ZNF532: variants seen among roughly 807,000 people sequenced by gnomAD.
ZNF532 encodes the protein zinc finger protein 532.
In ZNF532, 22 loss-of-function variants were observed where a neutral mutation model predicts 89.3. That is an observed-to-expected ratio of 0.25 (90% confidence interval 0.18 to 0.35). The LOEUF (loss-of-function observed/expected upper bound fraction) is 0.35. Ranked by LOEUF, ZNF532 falls within the 10% of genes least tolerant of loss-of-function variation. The pLI, the probability that ZNF532 is intolerant of heterozygous loss-of-function variation, is 1.00. For missense variants in ZNF532, 1,132 were observed against 1,643.4 expected (o/e 0.69, Z 5.38); for synonymous variants, 606 against 649.6 (o/e 0.93, Z 1.02).
intron 7 of ZNF532, among the ~76,000 whole-genome samples, chr18:58,965,884 G>T (rs193081257): frequency 6.6e-6 from 1 of 152,296 alleles, no homozygotes; most frequent in Admixed American, 6.5e-5. Context: ...GCCTCTTCCT[G>T]CAGTGTCTCG....
At chr18:58,953,120 T>A (rs751183984) in intron 6 of ZNF532, 1 of 158,562 alleles carries the variant, frequency 6.3e-6, no homozygotes, top group African/African-American at 2.4e-5. Context: ...TTCCTAATAA[T>A]GTATTAGCCT....
At chr18:58,888,876 T>A (rs28378874) in intron 2 of ZNF532, among the ~76,000 whole-genome samples, 20 of 42,324 alleles carry the variant, frequency 4.7e-4, no homozygotes, top group South Asian at 1.5e-3. Context: ...ATAATATATA[T>A]TATATATATA....
At chr18:58,883,558 G>A (rs893617909) in intron 2 of ZNF532, among the ~76,000 whole-genome samples, 9 of 152,298 alleles carry the variant, frequency 5.9e-5, no homozygotes, top group African/African-American at 1.9e-4. Context: ...ACCTAAGCAA[G>A]CAGGTTTATT....
rs2056364345 is a variant in ZNF532, at chr18:58,865,404, G to A, written c.-128+19G>A. The A allele has an allele frequency of 6.6e-6, 1 of 152,542 alleles. No individual in the cohort carries two copies. The highest frequency in any genetic ancestry group is 2.1e-4 in the South Asian group (1 of 4,812). 9.4% of individuals were successfully genotyped at this position (152,542 alleles called of 1,614,324 possible). A position where few individuals can be genotyped will look rare whatever the true frequency, so the allele number is the denominator to read the frequency against. On this transcript the variant is annotated intron_variant, in intron 1 of 9. Coordinates refer to ENST00000591808, the MANE Select transcript of ZNF532 (RefSeq NM_001375912.1). ...CCAAAAGGTAACAATATCGTTCTAG[G>A]AAATGAACATAAATGCATTCCAGTG...
chr18:58,918,823 T>C lies in ZNF532; in HGVS notation c.536T>C (p.Leu179Pro). Residue 179 changes from leucine to proline, a missense_variant, in exon 3 of 10, where the codon CTC (leucine) becomes CCC (proline). This residue lies in a region of ZNF532 where 302 missense variants were observed against 319.8 expected (regional missense o/e 0.94). Coordinates refer to ENST00000591808, the MANE Select transcript of ZNF532 (RefSeq NM_001375912.1). The stretch of plus-strand genomic sequence containing the variant: ...CAGGACTACGATAAGCTGAAGGCAC[T>C]CGGAGGGGAAAACTCCAGCAAAACT... ...PQQDYDKLKA[L>P]GGENSSKTGL... is the part of the protein sequence containing the mutation. 3 of 1,614,096 alleles carry C rather than the reference T, an allele frequency of 1.9e-6. No individual in the cohort carries two copies. Among genetic ancestry groups the C allele is most frequent in the Non-Finnish European group, 2.5e-6 (3 of 1,180,028 alleles).
chr18:58,868,421 C>T (rs1323971512), intron 2 of ZNF532, among the ~76,000 whole-genome samples: 6 of 152,194 alleles, frequency 3.9e-5, no homozygotes, highest in Admixed American at 2.0e-4. Context: ...TCCACCACCA[C>T]GGGCGAAGCA....
At position 58,985,427 on chromosome 18, in the gene ZNF532, C is replaced by T. The variant is rs1732848698; in HGVS notation, c.*961C>T. 6.6e-6 allele frequency: 1 copy of T among 152,596 alleles called. No individual in the cohort carries two copies. The highest frequency in any genetic ancestry group is 2.1e-4 in the South Asian group (1 of 4,828). 9.5% of individuals were successfully genotyped at this position (152,596 alleles called of 1,614,324 possible). A position where few individuals can be genotyped will look rare whatever the true frequency, so the allele number is the denominator to read the frequency against. ...GACAGAAAAAAATCAGTTGACTTAA[C>T]CCTTTGCTGTCAAAAGAGTTGGCGT... On this transcript the variant is annotated 3_prime_UTR_variant, in exon 10 of 10. Transcript: ENST00000591808.
Position 58,953,538 on chromosome 18 carries a change from A to G in ZNF532, c.2889A>G (p.Lys963=). Residue 963 remains lysine (K), a synonymous_variant, in exon 7 of 10, where the codon AAA becomes AAG. Coordinates refer to ENST00000591808, the MANE Select transcript of ZNF532 (RefSeq NM_001375912.1). The part of the protein sequence containing the change: ...DHIKSMHGTL[K]SIEGPPNLGI... ...TGTAGTCTATGCATGGAACATTGAA[A>G]AGTATTGAAGGGCCTCCAAACTTGG... 1 of 1,611,008 alleles carries G rather than the reference A, an allele frequency of 6.2e-7. No individual in the cohort carries two copies. The highest frequency in any genetic ancestry group is 1.1e-5 in the South Asian group (1 of 90,876).
intron 3 of ZNF532, 118 bp downstream of exon 3, chr18:58,920,751 T>C: frequency 4.1e-6 from 2 of 486,228 alleles, no homozygotes; most frequent in Non-Finnish European, 6.9e-6. Flanking sequence ...TGTGTGTGTG[T>C]GTGTGTGTGT....
chr18:58,906,213 G>T (rs769070716), intron 2 of ZNF532, among the ~76,000 whole-genome samples: 3 of 152,154 alleles, frequency 2.0e-5, no homozygotes, highest in African/African-American at 7.2e-5. Context: ...GCATAAGGGT[G>T]GGGCATCTAC....
intron 2 of ZNF532, among the ~76,000 whole-genome samples, chr18:58,917,201 C>G (rs770375213): frequency 3.9e-5 from 6 of 152,198 alleles, no homozygotes; most frequent in Non-Finnish European, 7.3e-5. Context: ...CAAGAGATCC[C>G]CTCACTTGCT....
At chr18:58,925,709 GT>G (rs77959400) in intron 3 of ZNF532, among the ~76,000 whole-genome samples, 2 of 152,072 alleles carry the variant, frequency 1.3e-5, no homozygotes, top group East Asian at 3.9e-4. Flanking sequence ...TTTCTTCTGT[GT>G]TTTTTTCCTC....
intron 6 of ZNF532, among the ~76,000 whole-genome samples, chr18:58,950,690 C>T (rs1380719658): frequency 7.6e-6 from 1 of 131,358 alleles, no homozygotes; most frequent in Non-Finnish European, 1.5e-5. Context: ...GTAGGACCTC[C>T]ATGTTGACAT....
chr18:58,890,330 A>T (rs1003506388), intron 2 of ZNF532, among the ~76,000 whole-genome samples: 1 of 151,954 alleles, frequency 6.6e-6, no homozygotes, highest in African/African-American at 2.4e-5. Context: ...TACCCTGGTT[A>T]GTACTTAACT....
chr18:58,914,759 A>G (rs576266574), intron 2 of ZNF532, among the ~76,000 whole-genome samples: 8 of 152,350 alleles, frequency 5.3e-5, no homozygotes, highest in Non-Finnish European at 1.0e-4. Context: ...AGTGAAAGAC[A>G]TTGTTAAAAT....
chr18:58,968,515 C>T (rs17756740), intron 7 of ZNF532, among the ~76,000 whole-genome samples: 31,729 of 152,192 alleles, frequency 0.21, 4,264 homozygotes, highest in Middle Eastern at 0.37. Context: ...GCCTTGGCTT[C>T]TGGCAGACCC....
In ZNF532 at chr18:58,888,755, A is replaced by AAAATATATATATAATTTATATATATAT. The variant is rs2058548324; in HGVS notation, c.-18+23180_-18+23181insATATATATAATTTATATATATATAAAT. Among the ~76,000 whole-genome samples, 27 of 34,572 alleles carry AAAATATATATATAATTTATATATATAT rather than the reference A, an allele frequency of 7.8e-4. 2 individuals are homozygous for AAAATATATATATAATTTATATATATAT. The South Asian group carries it at 0.018, about 23-fold the overall frequency. The allele number at this position is 34,572 out of a possible 152,430, so 22.7% of individuals were successfully genotyped here. A position where few individuals can be genotyped will look rare whatever the true frequency, so the allele number is the denominator to read the frequency against. ...ATATATATATATTTTATATATATAT[A>AAAATATATATATAATTTATATATATAT]AAATTAATATATATAATTTATATAT... On this transcript the variant is annotated intron_variant, in intron 2 of 9. Coordinates refer to ENST00000591808, the MANE Select transcript of ZNF532 (RefSeq NM_001375912.1).
At chr18:58,940,958 A>ACACACACACACTCTCTCT (rs1209329621) in intron 5 of ZNF532, among the ~76,000 whole-genome samples, 1 of 131,706 alleles carries the variant, frequency 7.6e-6, no homozygotes, top group Admixed American at 7.7e-5. Context: ...ACACACACAC[A>ACACACACACACTCTCTCT]CTCTTTCTCT....
At chr18:58,905,732 A>G (rs1184282382) in intron 2 of ZNF532, among the ~76,000 whole-genome samples, 2 of 152,208 alleles carry the variant, frequency 1.3e-5, no homozygotes, top group African/African-American at 2.4e-5. Context: ...AAAGCAACCA[A>G]CCACCAACAA....
Sources: gnomAD v4.1 joint callset for allele counts (sites outside exome capture counted in the v4.1 genomes callset) on GRCh38, gnomAD v4.1.1 for gene constraint, gnomAD v4.1.1 regional missense constraint, MANE v1.5 for transcripts, NCBI Gene and HGNC (gene_info 2026-07-23, HGNC 2026-07-21) for gene names.